The following UBXN2A variants were observed in gnomAD, a reference collection of about 807,000 sequenced individuals.
UBXN2A encodes UBX domain-containing protein 2A.
UBXN2A carries 28 observed loss-of-function variants against 28.4 expected under a neutral mutation model. The ratio of observed to expected loss-of-function variants is 0.99; its 90% confidence interval spans 0.73 to 1.35. UBXN2A has a LOEUF of 1.35. UBXN2A is among the 40% of genes most tolerant of loss of function. The pLI, the probability that UBXN2A is intolerant of heterozygous loss-of-function variation, is 0.00. For synonymous variants in UBXN2A, 97 were observed against 103.6 expected (o/e 0.94, Z 0.39); for missense variants, 253 against 297.9 (o/e 0.85, Z 1.11).
At chr2:23,930,340 A>T (rs926197206) in intron 1 of UBXN2A, among the ~76,000 whole-genome samples, 6 of 152,228 alleles carry the variant, frequency 3.9e-5, no homozygotes, top group Middle Eastern at 3.2e-3. Context: ...GGAAATACAC[A>T]GATTTTTAAA....
chr2:23,934,257 A>T (rs1705460148), intron 1 of UBXN2A, among the ~76,000 whole-genome samples: 1 of 152,226 alleles, frequency 6.6e-6, no homozygotes, highest in Admixed American at 6.5e-5. Flanking sequence ...GCACTGTCCA[A>T]TGTGATTACT....
intron 1 of UBXN2A, among the ~76,000 whole-genome samples, chr2:23,951,413 G>GATATATATATATATATAT (rs57701448): frequency 9.1e-6 from 1 of 109,904 alleles, no homozygotes; most frequent in Non-Finnish European, 1.8e-5. Flanking sequence ...CAGTAAGATG[G>GATATATATATATATATAT]ATATATATAT....
At chr2:23,988,992 CT>C (rs750784792) in intron 6 of UBXN2A, among the ~76,000 whole-genome samples, 4 of 151,940 alleles carry the variant, frequency 2.6e-5, no homozygotes, top group Non-Finnish European at 2.9e-5. Flanking sequence ...ATCCCTAGTT[CT>C]TTTTAGTGGA....
chr2:23,944,479 C>G (rs1185497818), intron 1 of UBXN2A: 2 of 656,580 alleles, frequency 3.0e-6, no homozygotes, highest in Non-Finnish European at 5.6e-6. Flanking sequence ...GCTTTCAGAT[C>G]CCCTTGGAAC....
intron 2 of UBXN2A, among the ~76,000 whole-genome samples, chr2:23,960,438 C>G (rs1706849243): frequency 6.6e-6 from 1 of 152,072 alleles, no homozygotes; most frequent in Admixed American, 6.6e-5. Context: ...TTTAAAATGG[C>G]TTTATTGAAA....
intron 6 of UBXN2A, among the ~76,000 whole-genome samples, chr2:23,992,718 C>G (rs904640762): frequency 6.6e-6 from 1 of 152,184 alleles, no homozygotes; most frequent in Non-Finnish European, 1.5e-5. Flanking sequence ...ATGTCTCTCT[C>G]AATCCTTGGT....
At chr2:23,955,393 G>T (rs758682395) in intron 1 of UBXN2A, among the ~76,000 whole-genome samples, 1 of 152,132 alleles carries the variant, frequency 6.6e-6, no homozygotes, top group African/African-American at 2.4e-5. Flanking sequence ...GGACCTACCT[G>T]TTCTTCCATT....
intron 2 of UBXN2A, among the ~76,000 whole-genome samples, chr2:23,966,619 A>AT (rs983071059): frequency 1.4e-5 from 2 of 146,550 alleles, no homozygotes; most frequent in African/African-American, 2.5e-5. Flanking sequence ...CACCTGGCTA[A>AT]TTTTTGTATT....
chr2:23,955,610 C>G lies in UBXN2A; in HGVS notation c.-14-2691C>G, dbSNP rs1347105220. 3.9e-5 allele frequency among the ~76,000 whole-genome samples: 6 copies of G among 152,286 alleles called. No individual in the cohort carries two copies. In the East Asian group the frequency reaches 1.2e-3, roughly 29 times the overall value. On this transcript the variant is annotated intron_variant, in intron 1 of 6. Transcript: ENST00000309033. ...TACACAAACCTGATGTTATAGCCAA[C>G]TATACACACAGGCTGTATGGTGTAG...
At chr2:23,960,765 T>C (rs1330994942) in intron 2 of UBXN2A, among the ~76,000 whole-genome samples, 1 of 152,018 alleles carries the variant, frequency 6.6e-6, no homozygotes, top group Non-Finnish European at 1.5e-5. Context: ...CCCGAGTGGC[T>C]GAGATTACAG....
chr2:23,948,120 G>A (rs1706179633), intron 1 of UBXN2A, among the ~76,000 whole-genome samples: 1 of 152,112 alleles, frequency 6.6e-6, no homozygotes. Flanking sequence ...CTCCCAGAGT[G>A]CTGGGATTAC....
At chr2:23,986,784 T>C (rs570935215) in intron 6 of UBXN2A, among the ~76,000 whole-genome samples, 3 of 152,208 alleles carry the variant, frequency 2.0e-5, no homozygotes, top group Non-Finnish European at 4.4e-5. Flanking sequence ...ATTTTTGTAT[T>C]TTTAGTAGAG....
intron 6 of UBXN2A, among the ~76,000 whole-genome samples, chr2:23,987,043 T>C (rs1255688308): frequency 2.6e-5 from 4 of 151,872 alleles, no homozygotes; most frequent in Non-Finnish European, 5.9e-5. Flanking sequence ...TGATGAGCCA[T>C]GATCTCACCA....
At position 24,004,489 on chromosome 2, in the gene UBXN2A, A is replaced by G. The variant is rs1427688115; in HGVS notation, c.*4622A>G. On this transcript the variant is annotated 3_prime_UTR_variant, in exon 7 of 7. Coordinates refer to ENST00000309033, the MANE Select transcript of UBXN2A (RefSeq NM_181713.4). ...GTCAACATGGGGAAACCCCGTCTAT[A>G]CTAAAAATACAAAAATTAGCTGGGT... The G allele has an allele frequency of 2.0e-5, 3 of 152,178 alleles. No homozygotes were observed. Among genetic ancestry groups the G allele is most frequent in the African/African-American group, 7.2e-5 (3 of 41,440 alleles). The allele number at this position is 152,178 out of a possible 1,614,324, so 9.4% of individuals were successfully genotyped here.
rs371442810 is a variant in UBXN2A, at chr2:23,991,406, TACACACACAC to T, written c.584+6591_584+6600del. Among the ~76,000 whole-genome samples the T allele has an allele frequency of 4.5e-3, 669 of 148,524 alleles. 9 individuals are homozygous for T. Among genetic ancestry groups the T allele is most frequent in the African/African-American group, 0.014 (573 of 40,628 alleles). ...GCATGTGATTTTATATTTTATTTTA[TACACACACAC>T]ACACACACACACACATATACATATA... On this transcript the variant is annotated intron_variant, in intron 6 of 6. Transcript: ENST00000309033.
intron 1 of UBXN2A, among the ~76,000 whole-genome samples, chr2:23,947,567 T>C (rs11901412): frequency 2.3e-3 from 347 of 152,322 alleles, no homozygotes; most frequent in African/African-American, 8.2e-3. Flanking sequence ...GCTCACTCAA[T>C]TGATATAAAT....
In UBXN2A at chr2:23,984,955, G is replaced by A. The variant is rs756482958; in HGVS notation, c.584+124G>A. The A allele has an allele frequency of 1.7e-4, 172 of 1,033,232 alleles. 1 individual carries two copies. The highest frequency in any genetic ancestry group is 1.3e-3 in the Middle Eastern group (4 of 3,008). 64.0% of individuals were successfully genotyped at this position (1,033,232 alleles called of 1,614,324 possible). On this transcript the variant is annotated intron_variant, in intron 6 of 6. Coordinates refer to ENST00000309033, the MANE Select transcript of UBXN2A (RefSeq NM_181713.4). ...CTTTCTTTGTTGCCCAGGCCAGAGTGCAGTGGCACAGTCATAGCTCACTGC... is the reference window on the plus strand; with the variant it reads ...CTTTCTTTGTTGCCCAGGCCAGAGTACAGTGGCACAGTCATAGCTCACTGC...
intron 2 of UBXN2A, among the ~76,000 whole-genome samples, chr2:23,963,254 C>T (rs969218226): frequency 6.6e-6 from 1 of 152,004 alleles, no homozygotes; most frequent in Non-Finnish European, 1.5e-5. Flanking sequence ...CAGTGGCTCA[C>T]ACCCATAATC....
At chr2:23,971,511 C>T (rs1707420851) in intron 3 of UBXN2A, 97 bp downstream of exon 3, 2 of 1,314,476 alleles carry the variant, frequency 1.5e-6, no homozygotes, top group Admixed American at 2.5e-5. Flanking sequence ...TTGTTTGAGA[C>T]AAGGTCTTTC....
Sources: gnomAD v4.1 joint callset for allele counts (sites outside exome capture counted in the v4.1 genomes callset) on GRCh38, gnomAD v4.1.1 for gene constraint, MANE v1.5 for transcripts, NCBI Gene and HGNC (gene_info 2026-07-23, HGNC 2026-07-21) for gene names.